The following TM4SF1 variants were observed in gnomAD, a reference collection of about 807,000 sequenced individuals.
The protein encoded by TM4SF1 is transmembrane 4 L6 family member 1.
A neutral mutation model predicts 24.5 loss-of-function variants in TM4SF1; 20 were observed. That is an observed-to-expected ratio of 0.82 (90% confidence interval 0.57 to 1.19). The LOEUF is 1.19. TM4SF1 is among the 50% of genes most tolerant of loss of function. The probability of loss-of-function intolerance (pLI) is 0.00; values close to 1 mark genes in which losing one functional copy is unlikely to be tolerated. For synonymous variants in TM4SF1, 107 were observed against 95.4 expected, an observed-to-expected ratio of 1.12 and a Z score of -0.71; for missense variants, 258 against 248.1, an observed-to-expected ratio of 1.04 and a Z score of -0.27.
At chr3:149,373,041 G>A (rs1203068938) in intron 3 of TM4SF1, among the ~76,000 whole-genome samples, 1 of 152,164 alleles carries the variant, frequency 6.6e-6, no homozygotes, top group Non-Finnish European at 1.5e-5. Context: ...AAGAGCCACA[G>A]AGGAAGGGCA....
intron 4 of TM4SF1, chr3:149,371,469 G>A (rs1731819215): frequency 3.3e-6 from 2 of 612,816 alleles, no homozygotes; most frequent in Admixed American, 2.9e-5. Flanking sequence ...TGTACATAGA[G>A]CCAACTGCAA....
At chr3:149,369,906 G>A in intron 4 of TM4SF1, 26 bp from the exon 5 acceptor site, 4 of 1,598,290 alleles carry the variant, frequency 2.5e-6, no homozygotes, top group Non-Finnish European at 3.4e-6. Flanking sequence ...AATACCATTA[G>A]GCTATAATCA....
intron 3 of TM4SF1, among the ~76,000 whole-genome samples, chr3:149,372,795 T>C (rs1216154973): frequency 1.3e-5 from 2 of 152,154 alleles, no homozygotes; most frequent in Admixed American, 1.3e-4. Context: ...GGCTGATAGC[T>C]CTTCACTTTC....
chr3:149,374,743 ACAC>A (rs139469096), intron 3 of TM4SF1, among the ~76,000 whole-genome samples: 3,720 of 152,322 alleles, frequency 0.024, 127 homozygotes, highest in African/African-American at 0.084. Flanking sequence ...GTGCATGTAT[ACAC>A]AGGGGTAAGG....
At chr3:149,372,647 G>A (rs922675117) in intron 3 of TM4SF1, among the ~76,000 whole-genome samples, 2 of 152,028 alleles carry the variant, frequency 1.3e-5, no homozygotes, top group African/African-American at 2.4e-5. Flanking sequence ...TTTCTGAGAC[G>A]GAGTCTGACT....
chr3:149,375,915 C>T (rs762205907), intron 1 of TM4SF1, 146 bp from the exon 2 acceptor site: 3 of 728,042 alleles, frequency 4.1e-6, no homozygotes, highest in South Asian at 1.8e-5. Context: ...GAATGTAAAC[C>T]TCTGAGGAGA....
Position 149,369,846 on chromosome 3 carries a change from T to C in TM4SF1, c.*20A>G. ...CAATGAAATAGAGGAAGATTGTGGC[T>C]CTGTCCTGGGTTGGTTCTTTTAGCA... On this transcript the variant is annotated 3_prime_UTR_variant, in exon 5 of 5. Coordinates refer to ENST00000305366, the MANE Select transcript of TM4SF1 (RefSeq NM_014220.3). The C allele has an allele frequency of 1.9e-6, 3 of 1,607,672 alleles. No homozygotes were observed. Among genetic ancestry groups the C allele is most frequent in the Non-Finnish European group, 2.5e-6 (3 of 1,178,068 alleles).
At chr3:149,374,713 T>A (rs1731907215) in intron 3 of TM4SF1, among the ~76,000 whole-genome samples, 1 of 152,194 alleles carries the variant, frequency 6.6e-6, no homozygotes, top group Non-Finnish European at 1.5e-5. Context: ...TGAGTGTATG[T>A]ATGTGTATGT....
rs1731952775 is a variant in TM4SF1, at chr3:149,376,339, T to TA, written c.178-571dup. On this transcript the variant is annotated intron_variant, in intron 1 of 4. Coordinates refer to ENST00000305366, the MANE Select transcript of TM4SF1 (RefSeq NM_014220.3). The stretch of plus-strand genomic sequence containing the variant: ...AGAAACTTAAGTGTGATGTTATGTT[T>TA]AAGACAAATAATCATGTTAACATGA... 3.3e-5 allele frequency among the ~76,000 whole-genome samples: 5 copies of TA among 152,358 alleles called. No homozygotes were observed. In the South Asian group the frequency reaches 1.0e-3, roughly 32 times the overall value.
Position 149,375,465 on chromosome 3 carries a change from T to C in TM4SF1, c.391A>G (p.Thr131Ala), listed in dbSNP as rs1731926736. 6.2e-7 allele frequency: 1 copy of C among 1,613,956 alleles called. No homozygotes were observed. Among genetic ancestry groups the C allele is most frequent in the Non-Finnish European group, 8.5e-7 (1 of 1,180,014 alleles). Residue 131 changes from threonine to alanine, a missense_variant, in exon 3 of 5, where the codon ACC (threonine) becomes GCC (alanine). Coordinates refer to ENST00000305366, the MANE Select transcript of TM4SF1 (RefSeq NM_014220.3). ...CLDSLGQWNYTFASTEGQYLL... is the reference protein window; with the variant it reads ...CLDSLGQWNYAFASTEGQYLL... Reference sequence around the variant, plus strand: ...TACTGGCCCTCAGTGCTGGCAAAGGTGTAGTTCCACTGGCCGAGGGAATCA... The same window carrying C: ...TACTGGCCCTCAGTGCTGGCAAAGGCGTAGTTCCACTGGCCGAGGGAATCA...
chr3:149,371,809 A>C lies in TM4SF1; in HGVS notation c.472T>G (p.Trp158Gly). The C allele has an allele frequency of 6.2e-7, 1 of 1,614,162 alleles. No homozygotes were observed. The highest frequency in any genetic ancestry group is 8.5e-7 in the Non-Finnish European group (1 of 1,180,020). ...ECTEPKHIVE[W>G]NVSLFSILLA... is the part of the protein sequence containing the mutation. ...AGGATAGAAAACAGAGATACATTCC[A>C]TTCCACAATGTGCTTGGGTTCAGTG... The change falls in exon 4 of 5, where the codon TGG becomes GGG. Residue 158 changes from tryptophan (W) to glycine (G), a missense_variant. Physicochemically the swap from Trp to Gly is radical, Grantham distance 184. Coordinates refer to ENST00000305366, the MANE Select transcript of TM4SF1 (RefSeq NM_014220.3).
In TM4SF1 at chr3:149,369,620, C is replaced by A; in HGVS notation, c.*246G>T. On this transcript the variant is annotated 3_prime_UTR_variant, in exon 5 of 5. Coordinates refer to ENST00000305366, the MANE Select transcript of TM4SF1 (RefSeq NM_014220.3). Reference sequence around the variant, plus strand: ...GTACTGTCACTCAGTCTGTAAATTACCCCCAGAGGGTGGTTTGTTTCCTCA... The same window carrying A: ...GTACTGTCACTCAGTCTGTAAATTAACCCCAGAGGGTGGTTTGTTTCCTCA... The A allele has an allele frequency of 2.2e-6, 1 of 464,510 alleles. No homozygotes were observed. Among genetic ancestry groups the A allele is most frequent in the Non-Finnish European group, 3.8e-6 (1 of 263,400 alleles). The allele number at this position is 464,510 out of a possible 1,614,324, so 28.8% of individuals were successfully genotyped here. A position where few individuals can be genotyped will look rare whatever the true frequency, so the allele number is the denominator to read the frequency against.
rs1451916723 is a variant in TM4SF1 at position 149,371,866 on chromosome 3, AC to A, written c.414del (p.Gln138HisfsTer44). 3 of 1,613,924 alleles carry A rather than the reference AC, an allele frequency of 1.9e-6. No individual in the cohort carries two copies. The East Asian group carries it at 6.7e-5, about 36-fold the overall frequency. On this transcript the variant is annotated frameshift_variant and splice_region_variant, in exon 4 of 5. Coordinates refer to ENST00000305366, the MANE Select transcript of TM4SF1 (RefSeq NM_014220.3). LOFTEE classifies it high-confidence loss of function. Reference protein sequence around the residue: ...WNYTFASTEGQYLLDTSTWSE... With the variant: ...WNYTFASTEGXYLLDTSTWSE... ...GACCATGTGGAGGTATCCAGAAGGT[AC>A]CTGTGGGTAAAAAGAGAAACTTCTG...
At chr3:149,373,176 A>G (rs182009850) in intron 3 of TM4SF1, among the ~76,000 whole-genome samples, 1,535 of 152,322 alleles carry the variant, frequency 0.01, 34 homozygotes, top group African/African-American at 0.035. Context: ...CTGACACACA[A>G]TAGCCACTCA....
chr3:149,372,557 G>GT (rs1731850192), intron 3 of TM4SF1, among the ~76,000 whole-genome samples: 1 of 151,982 alleles, frequency 6.6e-6, no homozygotes, highest in African/African-American at 2.4e-5. Context: ...GCTATTTTTT[G>GT]TTTTTAAGGA....
intron 3 of TM4SF1, 21 bp downstream of exon 3, chr3:149,375,422 A>G (rs780604651): frequency 1.2e-6 from 2 of 1,613,814 alleles, no homozygotes; most frequent in Non-Finnish European, 1.7e-6. Flanking sequence ...ATGTGTAGCC[A>G]TGTAGAGAGT....
intron 1 of TM4SF1, 105 bp from the exon 2 acceptor site, chr3:149,375,874 G>C: frequency 9.4e-7 from 1 of 1,065,390 alleles, no homozygotes; most frequent in South Asian, 1.4e-5. Flanking sequence ...GACATTAACT[G>C]GCTTTGATTA....
intron 4 of TM4SF1, chr3:149,371,325 C>T (rs746007333): frequency 3.1e-5 from 13 of 424,298 alleles, no homozygotes; most frequent in Non-Finnish European, 5.5e-5. Context: ...TTGGCTATTA[C>T]TTATGTATAC....
Position 149,369,740 on chromosome 3 carries a change from C to G in TM4SF1, c.*126G>C, listed in dbSNP as rs750767182. Reference sequence around the variant, plus strand: ...CTGTGAAGATGCCAGTCTTTACAGGCGTTTGTAAAAGTAGACTGTGGGGAG... The same window carrying G: ...CTGTGAAGATGCCAGTCTTTACAGGGGTTTGTAAAAGTAGACTGTGGGGAG... On this transcript the variant is annotated 3_prime_UTR_variant, in exon 5 of 5. Coordinates refer to ENST00000305366, the MANE Select transcript of TM4SF1 (RefSeq NM_014220.3). 1 of 1,155,674 alleles carries G rather than the reference C, an allele frequency of 8.7e-7. No homozygotes were observed. Among genetic ancestry groups the G allele is most frequent in the Non-Finnish European group, 1.2e-6 (1 of 804,912 alleles). 71.6% of individuals were successfully genotyped at this position (1,155,674 alleles called of 1,614,324 possible).
Sources: allele counts gnomAD v4.1 joint callset (sites outside exome capture counted in the v4.1 genomes callset), GRCh38; gene constraint gnomAD v4.1.1; transcripts MANE v1.5; gene names NCBI Gene and HGNC (gene_info 2026-07-23, HGNC 2026-07-21).